ATRIP: variants seen among roughly 807,000 people sequenced by gnomAD.
ATRIP encodes the protein ATR interacting protein, also known as ATR-interacting protein.
In ATRIP, 44 loss-of-function variants were observed where a neutral mutation model predicts 78.1. The observed-to-expected ratio is 0.56, with a 90% confidence interval of 0.44 to 0.72. The LOEUF (loss-of-function observed/expected upper bound fraction) is 0.72, where lower values mean the gene tolerates loss of function less well. ATRIP is among the 30% of genes least tolerant of loss of function. The probability of loss-of-function intolerance (pLI) is 0.00; values close to 1 mark genes in which losing one functional copy is unlikely to be tolerated. For missense variants in ATRIP, 927 were observed against 980.2 expected (o/e 0.95, Z 0.72); for synonymous variants, 388 against 408.9 (o/e 0.95, Z 0.62).
chr3:48,467,271 A>G lies in ATRIP; in HGVS notation c.*1717A>G, dbSNP rs2040364735. ...TGAGGGTGATGTCCTGGCCCTGCTCAGCATCTGTCAGTGGAGACCACAGGC... is the reference window on the plus strand; with the variant it reads ...TGAGGGTGATGTCCTGGCCCTGCTCGGCATCTGTCAGTGGAGACCACAGGC... On this transcript the variant is annotated 3_prime_UTR_variant, in exon 13 of 13. Coordinates refer to ENST00000320211, the MANE Select transcript of ATRIP (RefSeq NM_130384.3). 3 of 1,614,142 alleles carry G rather than the reference A, an allele frequency of 1.9e-6. No individual in the cohort carries two copies. Among genetic ancestry groups the G allele is most frequent in the African/African-American group, 1.3e-5 (1 of 75,056 alleles).
At chr3:48,455,336 G>A (rs759717285) in intron 4 of ATRIP, among the ~76,000 whole-genome samples, 5 of 152,148 alleles carry the variant, frequency 3.3e-5, no homozygotes, top group Non-Finnish European at 5.9e-5. Flanking sequence ...AAAGACCTCA[G>A]CATTATATGA....
intron 4 of ATRIP, 68 bp downstream of exon 4, chr3:48,454,486 A>C: frequency 8.0e-7 from 1 of 1,249,558 alleles, no homozygotes; most frequent in South Asian, 1.2e-5. Context: ...TAACAGTGTC[A>C]GGCTGGTCCT....
chr3:48,458,233 A>G (rs115501914), intron 5 of ATRIP, among the ~76,000 whole-genome samples: 2,518 of 151,572 alleles, frequency 0.017, 61 homozygotes, highest in African/African-American at 0.054. Context: ...ACCTGCCATC[A>G]TGCTTGTGGG....
chr3:48,447,026 G>GCTA lies in ATRIP; in HGVS notation c.181_182insCTA (p.Glu61delinsAlaLys). On this transcript the variant is annotated protein_altering_variant, in exon 1 of 13. Transcript: ENST00000320211. ...TGGGGACTTCACTGCCGACGACCTG[G>GCTA]AGGAGCTTGACACCCTCGCGTCACA... 6.4e-7 allele frequency: 1 copy of GCTA among 1,574,758 alleles called. No individual in the cohort carries two copies. The highest frequency in any genetic ancestry group is 8.6e-7 in the Non-Finnish European group (1 of 1,163,164).
At chr3:48,447,546 C>A (rs1402985537) in intron 1 of ATRIP, 8 of 985,958 alleles carry the variant, frequency 8.1e-6, no homozygotes, top group Non-Finnish European at 9.6e-6. Context: ...TAAATTTATT[C>A]TTTTATACAA....
chr3:48,459,736 C>A, intron 6 of ATRIP, 51 bp from the exon 7 acceptor site: 1 of 1,592,332 alleles, frequency 6.3e-7, no homozygotes, highest in South Asian at 1.1e-5. Context: ...TGAAAGCCAC[C>A]GAAAAGATCT....
rs748001693 is a variant in ATRIP at position 48,464,569 on chromosome 3, G to A, written c.1975-13G>A. The A allele has an allele frequency of 4.3e-6, 7 of 1,613,978 alleles. No homozygotes were observed. Reference sequence around the variant, plus strand: ...CTTCTGCCCAGGATGGAACCAATCTGTTCTTGTTCTAGGTGGTGTGGCTCC... The same window carrying A: ...CTTCTGCCCAGGATGGAACCAATCTATTCTTGTTCTAGGTGGTGTGGCTCC... On this transcript the variant is annotated splice_polypyrimidine_tract_variant and intron_variant, in intron 10 of 12. Coordinates refer to ENST00000320211, the MANE Select transcript of ATRIP (RefSeq NM_130384.3).
Position 48,467,064 on chromosome 3 carries a change from G to A in ATRIP, c.*1510G>A. 3 of 1,614,018 alleles carry A rather than the reference G, an allele frequency of 1.9e-6. No homozygotes were observed. Among genetic ancestry groups the A allele is most frequent in the African/African-American group, 1.3e-5 (1 of 75,064 alleles). ...CTACGACTTCCCCCTGCTCCAAGCA[G>A]AGCTGGCTATGCTGGGCCTCACCAG... On this transcript the variant is annotated 3_prime_UTR_variant, in exon 13 of 13. Coordinates refer to ENST00000320211, the MANE Select transcript of ATRIP (RefSeq NM_130384.3).
In ATRIP at chr3:48,460,454, CAG is replaced by C; in HGVS notation, c.1401_1402del (p.Cys469HisfsTer11). ...GGGGTAGAGACCAACCCTGAGGACTCAGTGTGCATCCTGGAAGGCTTCTCTGT... is the reference window on the plus strand; with the variant it reads ...GGGGTAGAGACCAACCCTGAGGACTCTGTGCATCCTGGAAGGCTTCTCTGT... On this transcript the variant is annotated frameshift_variant, in exon 8 of 13. Coordinates refer to ENST00000320211, the MANE Select transcript of ATRIP (RefSeq NM_130384.3). LOFTEE classifies it high-confidence loss of function. The C allele has an allele frequency of 6.2e-7, 1 of 1,610,998 alleles. No individual in the cohort carries two copies. Among genetic ancestry groups the C allele is most frequent in the African/African-American group, 1.3e-5 (1 of 74,988 alleles).
intron 6 of ATRIP, 155 bp downstream of exon 6, chr3:48,459,609 T>C (rs916840829): frequency 3.2e-5 from 36 of 1,131,308 alleles, no homozygotes; most frequent in Non-Finnish European, 4.2e-5. Flanking sequence ...CTTTATAAAG[T>C]GGAAAGGGCC....
chr3:48,452,445 G>A (rs1260144610), intron 3 of ATRIP, among the ~76,000 whole-genome samples: 1 of 152,160 alleles, frequency 6.6e-6, no homozygotes, highest in Non-Finnish European at 1.5e-5. Flanking sequence ...CACTTTGGGA[G>A]GCTGAGGTGA....
Position 48,447,008 on chromosome 3 carries a change from T to C in ATRIP, c.163T>C (p.Phe55Leu). Residue 55 changes from phenylalanine to leucine, a missense_variant, in exon 1 of 13, where the codon TTC becomes CTC. Physicochemically the swap from Phe to Leu is conservative, Grantham distance 22. Transcript: ENST00000320211. ...PDDPFGAHGD[F>L]TADDLEELDT... The stretch of plus-strand genomic sequence containing the variant: ...CGACCCGTTCGGCGCGCATGGGGAC[T>C]TCACTGCCGACGACCTGGAGGAGCT... 6.3e-7 allele frequency: 1 copy of C among 1,581,250 alleles called. No homozygotes were observed. The highest frequency in any genetic ancestry group is 1.4e-5 in the African/African-American group (1 of 71,752).
At chr3:48,456,634 G>A (rs942028919) in intron 4 of ATRIP, among the ~76,000 whole-genome samples, 1 of 151,406 alleles carries the variant, frequency 6.6e-6, no homozygotes, top group African/African-American at 2.4e-5. Context: ...TGGCCATGTT[G>A]ATGTGTGCCT....
In ATRIP at chr3:48,466,102, G is replaced by A. The variant is rs1575290351; in HGVS notation, c.*548G>A. On this transcript the variant is annotated 3_prime_UTR_variant, in exon 13 of 13. Coordinates refer to ENST00000320211, the MANE Select transcript of ATRIP (RefSeq NM_130384.3). Reference sequence around the variant, plus strand: ...GCTGTGGATCTTGGAAGGCCTCTGGGGTCCCCCGGGAGCAGGGGAGTGGGT... The same window carrying A: ...GCTGTGGATCTTGGAAGGCCTCTGGAGTCCCCCGGGAGCAGGGGAGTGGGT... 2.6e-6 allele frequency: 1 copy of A among 389,714 alleles called. No homozygotes were observed. Among genetic ancestry groups the A allele is most frequent in the East Asian group, 6.1e-5 (1 of 16,514 alleles). 24.1% of individuals were successfully genotyped at this position (389,714 alleles called of 1,614,324 possible).
chr3:48,464,305 C>T (rs1262092216), intron 10 of ATRIP, among the ~76,000 whole-genome samples, 173 bp downstream of exon 10: 1 of 152,176 alleles, frequency 6.6e-6, no homozygotes. Context: ...CACACAGATG[C>T]AATGCAGACA....
intron 8 of ATRIP, among the ~76,000 whole-genome samples, chr3:48,462,135 G>A (rs1363618534): frequency 3.9e-5 from 6 of 152,110 alleles, no homozygotes; most frequent in South Asian, 4.1e-4. Context: ...TGAGACCAGC[G>A]TGGGCAACAA....
intron 1 of ATRIP, 48 bp from the exon 2 acceptor site, chr3:48,449,989 G>A: frequency 1.3e-6 from 2 of 1,526,354 alleles, no homozygotes; most frequent in Admixed American, 2.3e-5. Context: ...TCTGGCAAAA[G>A]TGGGAAAATA....
intron 4 of ATRIP, among the ~76,000 whole-genome samples, chr3:48,455,348 C>A (rs528731937): frequency 1.6e-4 from 24 of 152,308 alleles, no homozygotes; most frequent in African/African-American, 5.5e-4. Flanking sequence ...ATTATATGAT[C>A]AGATCAGAGA....
chr3:48,447,666 T>G, intron 1 of ATRIP: 1 of 528,064 alleles, frequency 1.9e-6, no homozygotes, highest in Non-Finnish European at 2.4e-6. Flanking sequence ...GAGGAGTGAG[T>G]GAAGTCTTGA....
Sources: gnomAD v4.1 joint callset for allele counts (sites outside exome capture counted in the v4.1 genomes callset) on GRCh38, gnomAD v4.1.1 for gene constraint, MANE v1.5 for transcripts, NCBI Gene and HGNC (gene_info 2026-07-23, HGNC 2026-07-21) for gene names.